HHAT: variants seen among roughly 807,000 people sequenced by gnomAD.
The protein encoded by HHAT is hedgehog acyltransferase, also known as protein-cysteine N-palmitoyltransferase HHAT.
HHAT carries 47 observed loss-of-function variants against 70.8 expected under a neutral mutation model. That is an observed-to-expected ratio of 0.66 (90% CI 0.53 to 0.85). The LOEUF (loss-of-function observed/expected upper bound fraction) is 0.85, where lower values mean the gene tolerates loss of function less well. HHAT is among the 40% of genes least tolerant of loss of function. The pLI is 0.00. For missense variants in HHAT, 609 were observed against 604.8 expected (o/e 1.01, Z -0.07); for synonymous variants, 228 against 247.6 (o/e 0.92, Z 0.74).
chr1:210,661,517 G>T (rs1471696698), intron 11 of HHAT, among the ~76,000 whole-genome samples: 1 of 152,204 alleles, frequency 6.6e-6, no homozygotes, highest in Non-Finnish European at 1.5e-5. Flanking sequence ...TCTAGAACTA[G>T]AAATACCATT....
At chr1:210,497,291 C>T (rs930103484) in intron 8 of HHAT, among the ~76,000 whole-genome samples, 3 of 152,074 alleles carry the variant, frequency 2.0e-5, no homozygotes, top group Non-Finnish European at 4.4e-5. Flanking sequence ...GCTCTCCTAG[C>T]CAATATTTTT....
intron 7 of HHAT, among the ~76,000 whole-genome samples, chr1:210,446,419 C>G (rs952809332): frequency 3.3e-5 from 5 of 152,194 alleles, no homozygotes; most frequent in African/African-American, 1.2e-4. Flanking sequence ...ATGGGACGAT[C>G]AGGACTTTGG....
At chr1:210,406,620 C>T (rs2092342581) in intron 6 of HHAT, among the ~76,000 whole-genome samples, 1 of 152,152 alleles carries the variant, frequency 6.6e-6, no homozygotes, top group Non-Finnish European at 1.5e-5. Flanking sequence ...TCTCTAACTC[C>T]TGAGGTCAGG....
intron 7 of HHAT, 26 bp from the exon 8 acceptor site, chr1:210,464,479 G>C: frequency 6.2e-7 from 1 of 1,614,000 alleles, no homozygotes; most frequent in Non-Finnish European, 8.5e-7. Context: ...TCTTCCATGT[G>C]TCTGACTGGT....
intron 4 of HHAT, among the ~76,000 whole-genome samples, chr1:210,390,245 CAGA>C (rs2091367060): frequency 6.6e-6 from 1 of 152,162 alleles, no homozygotes; most frequent in African/African-American, 2.4e-5. Flanking sequence ...ATCCTTAAAA[CAGA>C]AGGACACATA....
In HHAT at chr1:210,400,485, C is replaced by A; in HGVS notation, c.291C>A (p.Leu97=). The change falls in exon 5 of 12, where the codon CTC becomes CTA. Residue 97 remains leucine, a synonymous_variant. Coordinates refer to ENST00000261458, the MANE Select transcript of HHAT (RefSeq NM_018194.6). ...LLARKHRPWI[L]MLYGMWACWC... ...ATTTGCAGCACAGACCCTGGATTCT[C>A]ATGCTCTATGGGATGTGGGCCTGCT... 1 of 1,612,578 alleles carries A rather than the reference C, an allele frequency of 6.2e-7. No homozygotes were observed. Among genetic ancestry groups the A allele is most frequent in the Non-Finnish European group, 8.5e-7 (1 of 1,179,356 alleles).
intron 3 of HHAT, chr1:210,374,259 A>T (rs1360073089): frequency 1.6e-5 from 2 of 126,474 alleles, no homozygotes; most frequent in Non-Finnish European, 3.3e-5. Context: ...TCTGAAGAGA[A>T]ACCAGTGTAA....
chr1:210,469,627 T>C (rs2094165158), intron 8 of HHAT, among the ~76,000 whole-genome samples: 1 of 152,172 alleles, frequency 6.6e-6, no homozygotes, highest in South Asian at 2.1e-4. Context: ...AAATAATGAT[T>C]AATAATCATT....
At chr1:210,536,399 A>G (rs2095372196) in intron 9 of HHAT, among the ~76,000 whole-genome samples, 1 of 152,206 alleles carries the variant, frequency 6.6e-6, no homozygotes, top group Non-Finnish European at 1.5e-5. Flanking sequence ...CCAGTTCCCT[A>G]CAGTTTCCTG....
intron 5 of HHAT, among the ~76,000 whole-genome samples, chr1:210,400,986 C>T (rs1460212899): frequency 6.6e-6 from 1 of 152,202 alleles, no homozygotes; most frequent in Non-Finnish European, 1.5e-5. Context: ...AGATGATTTA[C>T]TAAAAAACAT....
intron 5 of HHAT, 68 bp from the exon 6 acceptor site, chr1:210,404,396 C>A: frequency 8.0e-7 from 1 of 1,255,820 alleles, no homozygotes; most frequent in South Asian, 1.3e-5. Flanking sequence ...CTGGCCAGCA[C>A]CTGCAGTGGG....
chr1:210,473,488 G>C lies in HHAT; in HGVS notation c.1007+8833G>C, dbSNP rs149117428. 1.4e-4 allele frequency among the ~76,000 whole-genome samples: 21 copies of C among 152,176 alleles called. 1 individual carries two copies. The highest frequency in any genetic ancestry group is 4.6e-4 in the African/African-American group (19 of 41,492). The stretch of plus-strand genomic sequence containing the variant: ...TTGTTTTCAGTTTACAGCACCGAGG[G>C]GGACGGGATGGGGAGAAAGGGAGTC... On this transcript the variant is annotated intron_variant, in intron 8 of 11. Transcript: ENST00000261458.
Position 210,676,145 on chromosome 1 carries a change from A to C in HHAT, c.*1766A>C, listed in dbSNP as rs1202514582. ...TTGAGCTCTTCCAAGTATACCATTT[A>C]TATACAAACAAATAGGTTTATTCAT... On this transcript the variant is annotated 3_prime_UTR_variant, in exon 12 of 12. Coordinates refer to ENST00000261458, the MANE Select transcript of HHAT (RefSeq NM_018194.6). The C allele has an allele frequency of 6.6e-6, 1 of 152,242 alleles. No homozygotes were observed. The highest frequency in any genetic ancestry group is 2.4e-5 in the African/African-American group (1 of 41,456). The allele number at this position is 152,242 out of a possible 1,614,324, so 9.4% of individuals were successfully genotyped here. A position where few individuals can be genotyped will look rare whatever the true frequency, so the allele number is the denominator to read the frequency against.
intron 10 of HHAT, among the ~76,000 whole-genome samples, chr1:210,590,912 ATATCT>A (rs1284773891): frequency 2.0e-5 from 3 of 152,082 alleles, no homozygotes; most frequent in Non-Finnish European, 4.4e-5. Flanking sequence ...TTTCTTTGTC[ATATCT>A]TCTTTACAAA....
chr1:210,663,382 A>G (rs1678177328), intron 11 of HHAT, among the ~76,000 whole-genome samples: 1 of 152,196 alleles, frequency 6.6e-6, no homozygotes, highest in Non-Finnish European at 1.5e-5. Context: ...AACGTTCACC[A>G]TGTGACCTGA....
chr1:210,494,453 G>A (rs1214479533), intron 8 of HHAT, among the ~76,000 whole-genome samples: 1 of 151,446 alleles, frequency 6.6e-6, no homozygotes, highest in Non-Finnish European at 1.5e-5. Context: ...CTCAGCCGCT[G>A]GTAGGATGGA....
Position 210,329,022 on chromosome 1 carries a change from A to C in HHAT, c.-126A>C. On this transcript the variant is annotated 5_prime_UTR_variant, in exon 1 of 12. Coordinates refer to ENST00000261458, the MANE Select transcript of HHAT (RefSeq NM_018194.6). ...CGCAGCCGCCGCCGATGTCGCTGGG[A>C]CTCGGAAGTGCCGAAAGAGGGGTGT... 7.1e-7 allele frequency: 1 copy of C among 1,412,302 alleles called. No homozygotes were observed. Among genetic ancestry groups the C allele is most frequent in the Non-Finnish European group, 9.2e-7 (1 of 1,083,858 alleles). The allele number at this position is 1,412,302 out of a possible 1,614,324, so 87.5% of individuals were successfully genotyped here. A position where few individuals can be genotyped will look rare whatever the true frequency, so the allele number is the denominator to read the frequency against.
intron 3 of HHAT, among the ~76,000 whole-genome samples, chr1:210,377,431 T>A (rs2090314838): frequency 6.6e-6 from 1 of 152,232 alleles, no homozygotes; most frequent in Non-Finnish European, 1.5e-5. Flanking sequence ...TAATATTTCT[T>A]TTTAAGCATT....
At chr1:210,504,829 G>T (rs971326511) in intron 8 of HHAT, among the ~76,000 whole-genome samples, 1 of 151,918 alleles carries the variant, frequency 6.6e-6, no homozygotes, top group Admixed American at 6.6e-5. Flanking sequence ...TGCCAACTGG[G>T]ATCATGCTAG....
Sources: allele counts gnomAD v4.1 joint callset (sites outside exome capture counted in the v4.1 genomes callset), GRCh38; gene constraint gnomAD v4.1.1; transcripts MANE v1.5; gene names NCBI Gene and HGNC (gene_info 2026-07-23, HGNC 2026-07-21).